Variants in BCR observed in about 807,000 individuals in gnomAD.
BCR encodes BCR activator of RhoGEF and GTPase, also known as breakpoint cluster region protein.
In BCR, 58 loss-of-function variants were observed where a neutral mutation model predicts 138.6. The observed-to-expected ratio is 0.42, with a 90% CI of 0.34 to 0.52. BCR has a LOEUF of 0.52. BCR is among the 20% of genes least tolerant of loss of function. The pLI is 0.06. For missense variants in BCR, 1,599 were observed against 1,727.2 expected (o/e 0.93, Z 1.32); for synonymous variants, 786 against 730.1 (o/e 1.08, Z -1.23).
intron 5 of BCR, among the ~76,000 whole-genome samples, chr22:23,270,713 C>CTGT (rs1400160760): frequency 6.6e-6 from 1 of 152,248 alleles, no homozygotes; most frequent in Non-Finnish European, 1.5e-5. Context: ...TCTTCTGTCT[C>CTGT]TGTTTATGCT....
chr22:23,181,286 C>T lies in BCR; in HGVS notation c.326C>T (p.Pro109Leu). Residue 109 changes from proline to leucine, a missense_variant, in exon 1 of 23, where the codon CCC becomes CTC. Physicochemically the swap from Pro to Leu is moderately conservative, Grantham distance 98 (BLOSUM62 -3). This residue lies in a region of BCR where 806 missense variants were observed against 635.0 expected (regional missense o/e 1.27). Coordinates refer to ENST00000305877, the MANE Select transcript of BCR (RefSeq NM_004327.4). ...CCCGCCGACGGAGCCGACCCGCCGC[C>T]CGCCGAGGAGCCCGAGGCCCGGCCC... The part of the protein sequence containing the change: ...PAPADGADPP[P>L]AEEPEARPDG... 1 of 1,305,122 alleles carries T rather than the reference C, an allele frequency of 7.7e-7. No individual in the cohort carries two copies. The highest frequency in any genetic ancestry group is 2.4e-5 in the South Asian group (1 of 41,614). 80.8% of individuals were successfully genotyped at this position (1,305,122 alleles called of 1,614,324 possible).
Position 23,315,795 on chromosome 22 carries a change from C to G in BCR, c.*273C>G. On this transcript the variant is annotated 3_prime_UTR_variant, in exon 23 of 23. Transcript: ENST00000305877. Reference sequence around the variant, plus strand: ...GTTCATCTCGGAGTCCAGGCCTGGCCCTGGGAGACAGGGTGAAGGGAGTGG... The same window carrying G: ...GTTCATCTCGGAGTCCAGGCCTGGCGCTGGGAGACAGGGTGAAGGGAGTGG... The G allele has an allele frequency of 1.9e-6, 1 of 529,372 alleles. No homozygotes were observed. Among genetic ancestry groups the G allele is most frequent in the Admixed American group, 2.8e-5 (1 of 35,108 alleles). 32.8% of individuals were successfully genotyped at this position (529,372 alleles called of 1,614,324 possible).
At position 23,315,530 on chromosome 22, in the gene BCR, A is replaced by G; in HGVS notation, c.*8A>G. 3 of 1,611,624 alleles carry G rather than the reference A, an allele frequency of 1.9e-6. No individual in the cohort carries two copies. The highest frequency in any genetic ancestry group is 2.5e-6 in the Non-Finnish European group (3 of 1,179,494). ...TTCTCCACCGAAGTCTAAAGGTCCC[A>G]GTCCATCTCCTGGAGGCGGACAGAT... On this transcript the variant is annotated 3_prime_UTR_variant, in exon 23 of 23. Transcript: ENST00000305877.
chr22:23,303,761 C>T (rs575182117), intron 16 of BCR, among the ~76,000 whole-genome samples: 10 of 152,166 alleles, frequency 6.6e-5, no homozygotes, highest in Non-Finnish European at 1.0e-4. Flanking sequence ...TGATACAGGT[C>T]CTCCTTGCTC....
At position 23,287,600 on chromosome 22, in the gene BCR, C is replaced by T. The variant is rs2073731171; in HGVS notation, c.2526+322C>T. 2.0e-5 allele frequency among the ~76,000 whole-genome samples: 3 copies of T among 152,212 alleles called. No homozygotes were observed. In the South Asian group the frequency reaches 6.2e-4, roughly 31 times the overall value. ...GGGGCCTTGAGGGCCAGAGACACAC[C>T]TTCTGTCCTGAGTCTGGCTCCTGCT... On this transcript the variant is annotated intron_variant, in intron 11 of 22. Transcript: ENST00000305877.
chr22:23,262,242 A>G (rs989002080), intron 4 of BCR, among the ~76,000 whole-genome samples: 1 of 152,170 alleles, frequency 6.6e-6, no homozygotes, highest in African/African-American at 2.4e-5. Flanking sequence ...TGTGAAGAGC[A>G]TGTGATTCCT....
intron 9 of BCR, among the ~76,000 whole-genome samples, chr22:23,284,480 C>G (rs2073687853): frequency 6.6e-6 from 1 of 152,060 alleles, no homozygotes; most frequent in Non-Finnish European, 1.5e-5. Context: ...CGTGCACACA[C>G]TCCCCTCCTC....
rs2073776812 is a variant in BCR at position 23,290,751 on chromosome 22, G to A, written c.2782+338G>A. On this transcript the variant is annotated intron_variant, in intron 14 of 22. Transcript: ENST00000305877. ...GGGAGTGTGGGGTCCAAGCCAGGAG[G>A]GCTGTCAGCAGTGCACCTTCACCCC... 9.1e-6 allele frequency: 3 copies of A among 328,424 alleles called. No homozygotes were observed. In the South Asian group the frequency reaches 1.0e-4, roughly 11 times the overall value. 20.3% of individuals were successfully genotyped at this position (328,424 alleles called of 1,614,324 possible).
At chr22:23,290,136 T>C (rs552387905) in intron 13 of BCR, 6 of 651,514 alleles carry the variant, frequency 9.2e-6, no homozygotes, top group Admixed American at 7.2e-5. Context: ...TTGCCTGTAT[T>C]GTGAAACCAG....
intron 1 of BCR, among the ~76,000 whole-genome samples, chr22:23,191,334 A>G (rs553024101): frequency 9.2e-5 from 14 of 152,300 alleles, no homozygotes; most frequent in South Asian, 2.1e-4. Flanking sequence ...TCCCTATCCA[A>G]TCGCTCAAAG....
chr22:23,297,800 G>A (rs947217289), intron 16 of BCR, among the ~76,000 whole-genome samples: 4 of 151,830 alleles, frequency 2.6e-5, no homozygotes, highest in Non-Finnish European at 5.9e-5. Context: ...GAGTACTATT[G>A]CTAAGTAACT....
intron 5 of BCR, among the ~76,000 whole-genome samples, chr22:23,271,292 A>G (rs1330411340): frequency 6.6e-6 from 1 of 152,234 alleles, no homozygotes; most frequent in African/African-American, 2.4e-5. Context: ...CTGTAGCCCA[A>G]AATGTCAACA....
At chr22:23,304,944 G>A (rs770488470) in intron 16 of BCR, among the ~76,000 whole-genome samples, 1 of 152,078 alleles carries the variant, frequency 6.6e-6, no homozygotes, top group Non-Finnish European at 1.5e-5. Context: ...GTGAAACCTC[G>A]TCTCTACTAA....
Position 23,284,708 on chromosome 22 carries a change from G to A in BCR, c.2238-325G>A, listed in dbSNP as rs74871486. ...GTCCCTCAAACTTTACGGCCCTGGG[G>A]GTGGATTTCAGTCCTGTCCTGTCAT... On this transcript the variant is annotated intron_variant, in intron 9 of 22. Coordinates refer to ENST00000305877, the MANE Select transcript of BCR (RefSeq NM_004327.4). 3.0e-3 allele frequency among the ~76,000 whole-genome samples: 454 copies of A among 152,312 alleles called. 3 individuals are homozygous for A. The highest frequency in any genetic ancestry group is 0.01 in the African/African-American group (427 of 41,554).
intron 2 of BCR, among the ~76,000 whole-genome samples, chr22:23,258,807 C>T (rs771591764): frequency 7.9e-5 from 12 of 152,228 alleles, no homozygotes; most frequent in Non-Finnish European, 1.2e-4. Context: ...GAAGCCTGCC[C>T]GCAGCCAGTG....
intron 5 of BCR, among the ~76,000 whole-genome samples, chr22:23,270,758 A>G (rs1213068914): frequency 1.3e-5 from 2 of 152,246 alleles, no homozygotes; most frequent in Non-Finnish European, 2.9e-5. Context: ...AATTAATCTC[A>G]GCTCCTTCCC....
chr22:23,263,990 TC>T (rs1568962115), intron 4 of BCR: 2 of 891,472 alleles, frequency 2.2e-6, no homozygotes, highest in South Asian at 2.6e-5. Context: ...ACAGAGACTT[TC>T]CCCCAAGGGC....
At chr22:23,229,965 A>G (rs2146242117) in intron 1 of BCR, among the ~76,000 whole-genome samples, 1 of 152,048 alleles carries the variant, frequency 6.6e-6, no homozygotes, top group East Asian at 1.9e-4. Flanking sequence ...GTGCTGGGGA[A>G]AGGTGGATAA....
At chr22:23,259,820 C>T (rs1465024755) in intron 2 of BCR, among the ~76,000 whole-genome samples, 1 of 152,048 alleles carries the variant, frequency 6.6e-6, no homozygotes, top group African/African-American at 2.4e-5. Context: ...TGAGCCTGGA[C>T]CCCCCAAAAA....
Sources: allele counts gnomAD v4.1 joint callset (sites outside exome capture counted in the v4.1 genomes callset), GRCh38; gene constraint gnomAD v4.1.1; regional missense constraint gnomAD v4.1.1; transcripts MANE v1.5; gene names NCBI Gene and HGNC (gene_info 2026-07-23, HGNC 2026-07-21).